ERC1: variants seen among roughly 807,000 people sequenced by gnomAD.
ERC1 encodes the protein RAB6 interacting protein 2.
ERC1 carries 56 observed loss-of-function variants against 132.0 expected under a neutral mutation model. That is an observed-to-expected ratio of 0.42 (90% CI 0.34 to 0.53). The LOEUF (loss-of-function observed/expected upper bound fraction) is 0.53, where lower values mean the gene tolerates loss of function less well. Ranked by LOEUF, ERC1 falls within the 20% of genes least tolerant of loss-of-function variation. ERC1 has a pLI of 0.03. For synonymous variants in ERC1, 478 were observed against 476.1 expected (o/e 1.00, Z -0.05); for missense variants, 1,202 against 1,349.9 (o/e 0.89, Z 1.72).
At chr12:1,439,726 C>G (rs758463254) in intron 17 of ERC1, among the ~76,000 whole-genome samples, 1 of 152,192 alleles carries the variant, frequency 6.6e-6, no homozygotes, top group African/African-American at 2.4e-5. Context: ...AGTAGGACCC[C>G]TTGCCAATGT....
intron 13 of ERC1, among the ~76,000 whole-genome samples, chr12:1,258,911 A>C (rs576026559): frequency 6.6e-6 from 1 of 152,282 alleles, no homozygotes; most frequent in Non-Finnish European, 1.5e-5. Flanking sequence ...CACTGCCTGA[A>C]GATGTGTTTG....
chr12:1,236,470 T>A (rs1749988748), intron 12 of ERC1, among the ~76,000 whole-genome samples: 1 of 152,244 alleles, frequency 6.6e-6, no homozygotes. Context: ...CCAAAATCTC[T>A]GACTTGGTTT....
intron 12 of ERC1, among the ~76,000 whole-genome samples, chr12:1,226,645 T>G (rs1023737765): frequency 1.3e-5 from 2 of 152,206 alleles, no homozygotes; most frequent in African/African-American, 4.8e-5. Context: ...ATTTGATGTT[T>G]TTAGGTTCAT....
chr12:1,063,551 C>T (rs538787177), intron 2 of ERC1, among the ~76,000 whole-genome samples: 33 of 152,210 alleles, frequency 2.2e-4, no homozygotes, highest in South Asian at 8.3e-4. Flanking sequence ...TGTGAGCCAC[C>T]GCACCTGGCT....
intron 13 of ERC1, among the ~76,000 whole-genome samples, chr12:1,237,527 C>G (rs2075500373): frequency 1.3e-5 from 2 of 152,192 alleles, no homozygotes; most frequent in Admixed American, 1.3e-4. Flanking sequence ...GTTAGGTCCT[C>G]AGTATTTGAA....
At chr12:990,184 A>G (rs1236586726), upstream of ERC1, 2 of 152,210 alleles carry the variant, frequency 1.3e-5, no homozygotes, top group African/African-American at 4.8e-5. Context: ...GGCGGAGGTA[A>G]GCAGGAGTAA....
At chr12:1,051,284 G>T (rs1035796952) in intron 2 of ERC1, among the ~76,000 whole-genome samples, 3 of 152,094 alleles carry the variant, frequency 2.0e-5, no homozygotes, top group Non-Finnish European at 4.4e-5. Flanking sequence ...TAAGGTAATC[G>T]TAATGTATAT....
intron 15 of ERC1, among the ~76,000 whole-genome samples, chr12:1,316,905 A>T (rs1051591667): frequency 6.6e-6 from 1 of 152,246 alleles, no homozygotes; most frequent in Admixed American, 6.5e-5. Context: ...CATGCCTGTA[A>T]TCCCAGCACT....
chr12:1,403,208 CT>C (rs916575466), intron 16 of ERC1, among the ~76,000 whole-genome samples: 4 of 151,962 alleles, frequency 2.6e-5, no homozygotes, highest in Admixed American at 6.6e-5. Flanking sequence ...TCCCTTCTTC[CT>C]TTTTTTTCCC....
At chr12:1,419,287 GT>G (rs2092327242) in intron 17 of ERC1, among the ~76,000 whole-genome samples, 1 of 151,952 alleles carries the variant, frequency 6.6e-6, no homozygotes, top group Non-Finnish European at 1.5e-5. Context: ...TCTCCTAAGT[GT>G]TGACCTTAAT....
chr12:1,403,962 C>T (rs970901748), intron 16 of ERC1, among the ~76,000 whole-genome samples: 2 of 152,122 alleles, frequency 1.3e-5, no homozygotes, highest in Non-Finnish European at 2.9e-5. Context: ...TTCTATTTTC[C>T]TTTTTTCTGA....
intron 1 of ERC1, among the ~76,000 whole-genome samples, chr12:999,131 A>T (rs1033464280): frequency 1.3e-5 from 2 of 152,066 alleles, no homozygotes; most frequent in Non-Finnish European, 2.9e-5. Flanking sequence ...AAGTGTTGGG[A>T]TTATAGGCGT....
At chr12:1,238,953 T>G (rs2075611579) in intron 13 of ERC1, among the ~76,000 whole-genome samples, 1 of 152,176 alleles carries the variant, frequency 6.6e-6, no homozygotes, top group Admixed American at 6.5e-5. Context: ...ACCAAAGTTA[T>G]GAAAAAGATA....
At position 1,394,236 on chromosome 12, in the gene ERC1, TA is replaced by T. The variant is rs1031342516; in HGVS notation, c.2926-13908del. ...TAACACGGTGAAACCCCATCTCTAC[TA>T]AAAATACAAAAAATTAGCCAGGCGT... On this transcript the variant is annotated intron_variant, in intron 16 of 18. Coordinates refer to ENST00000360905, the MANE Select transcript of ERC1 (RefSeq NM_178040.4). 2.7e-5 allele frequency among the ~76,000 whole-genome samples: 4 copies of T among 147,608 alleles called. No individual in the cohort carries two copies. In the East Asian group the frequency reaches 6.2e-4, roughly 23 times the overall value.
At chr12:1,318,831 G>A (rs1003255709) in intron 15 of ERC1, among the ~76,000 whole-genome samples, 1 of 151,686 alleles carries the variant, frequency 6.6e-6, no homozygotes, top group Non-Finnish European at 1.5e-5. Flanking sequence ...TGGGTCTCTC[G>A]GTGAGGCCTC....
At chr12:1,050,584 G>T (rs1971771112) in intron 2 of ERC1, among the ~76,000 whole-genome samples, 1 of 152,092 alleles carries the variant, frequency 6.6e-6, no homozygotes, top group Non-Finnish European at 1.5e-5. Context: ...CATCTATTCA[G>T]TGTTTTCCCT....
intron 16 of ERC1, among the ~76,000 whole-genome samples, chr12:1,381,965 T>G (rs1420839352): frequency 4.6e-5 from 7 of 152,030 alleles, no homozygotes; most frequent in Admixed American, 4.6e-4. Flanking sequence ...TGGACTAGAG[T>G]TGTTAATTGT....
intron 10 of ERC1, among the ~76,000 whole-genome samples, chr12:1,183,042 A>T (rs966205892): frequency 1.3e-5 from 2 of 152,170 alleles, no homozygotes; most frequent in Non-Finnish European, 2.9e-5. Flanking sequence ...TTTATTTTGT[A>T]TTGACAGAAC....
At chr12:1,268,478 T>G (rs2077610191) in intron 14 of ERC1, among the ~76,000 whole-genome samples, 1 of 152,208 alleles carries the variant, frequency 6.6e-6, no homozygotes. Flanking sequence ...CTTACAATTA[T>G]GGTTCTGTTT....
Sources: allele counts gnomAD v4.1 joint callset (sites outside exome capture counted in the v4.1 genomes callset), GRCh38; gene constraint gnomAD v4.1.1; transcripts MANE v1.5; gene names NCBI Gene and HGNC (gene_info 2026-07-23, HGNC 2026-07-21).